The following DCUN1D3 variants were observed in gnomAD, a reference collection of about 807,000 sequenced individuals.
The protein encoded by DCUN1D3 is DCN1-like protein 3.
A neutral mutation model predicts 24.8 loss-of-function variants in DCUN1D3; 6 were observed. The ratio of observed to expected loss-of-function variants is 0.24; its 90% CI spans 0.13 to 0.48. The LOEUF (loss-of-function observed/expected upper bound fraction) is 0.48, where lower values mean the gene tolerates loss of function less well. Among genes scored for constraint, DCUN1D3 ranks in the 20% least tolerant of loss-of-function variants. DCUN1D3 has a pLI of 0.99. For missense variants in DCUN1D3, 258 were observed against 379.4 expected, an observed-to-expected ratio of 0.68 and a Z score of 2.66; for synonymous variants, 120 against 144.9, an observed-to-expected ratio of 0.83 and a Z score of 1.24.
At chr16:20,863,818 C>T (rs995782765) in intron 1 of DCUN1D3, among the ~76,000 whole-genome samples, 1 of 152,132 alleles carries the variant, frequency 6.6e-6, no homozygotes, top group Admixed American at 6.6e-5. Context: ...AATAAGGCCA[C>T]ACATCTACAA....
At chr16:20,883,929 T>C (rs2081856948) in intron 1 of DCUN1D3, among the ~76,000 whole-genome samples, 1 of 152,162 alleles carries the variant, frequency 6.6e-6, no homozygotes, top group African/African-American at 2.4e-5. Context: ...ATTTTTATTT[T>C]TTTACTTGAA....
At chr16:20,869,352 C>G (rs1003882342) in intron 1 of DCUN1D3, among the ~76,000 whole-genome samples, 1 of 152,140 alleles carries the variant, frequency 6.6e-6, no homozygotes, top group Non-Finnish European at 1.5e-5. Context: ...ACTACTATTA[C>G]GGAAAGAAAG....
intron 1 of DCUN1D3, among the ~76,000 whole-genome samples, chr16:20,890,905 T>G (rs1407761975): frequency 1.3e-5 from 2 of 150,354 alleles, no homozygotes. Flanking sequence ...TCACAGCACC[T>G]GGTCAAAATT....
intron 1 of DCUN1D3, among the ~76,000 whole-genome samples, chr16:20,875,470 G>A (rs1029412632): frequency 5.9e-5 from 9 of 152,296 alleles, no homozygotes; most frequent in African/African-American, 1.4e-4. Context: ...GGTTTGTACA[G>A]CCCAGCTCTA....
chr16:20,888,212 A>C (rs78963724), intron 1 of DCUN1D3, among the ~76,000 whole-genome samples: 3,635 of 152,308 alleles, frequency 0.024, 144 homozygotes, highest in African/African-American at 0.083. Flanking sequence ...CCATGTAGCC[A>C]ATAATAGCTA....
intron 1 of DCUN1D3, among the ~76,000 whole-genome samples, chr16:20,866,972 G>C (rs1164950906): frequency 6.6e-6 from 1 of 152,208 alleles, no homozygotes; most frequent in Non-Finnish European, 1.5e-5. Context: ...AGCACTTCAA[G>C]TGTTTTAAAG....
intron 1 of DCUN1D3, among the ~76,000 whole-genome samples, chr16:20,871,721 C>T (rs900513298): frequency 6.6e-6 from 1 of 152,108 alleles, no homozygotes; most frequent in African/African-American, 2.4e-5. Flanking sequence ...ATGTTTAATC[C>T]CACATAACTC....
chr16:20,876,444 A>G (rs1195463697), intron 1 of DCUN1D3, among the ~76,000 whole-genome samples: 1 of 152,200 alleles, frequency 6.6e-6, no homozygotes, highest in East Asian at 1.9e-4. Context: ...AAAAAAAAAA[A>G]AAACAGAATA....
At chr16:20,861,014 C>A (rs1351062187) in intron 2 of DCUN1D3, among the ~76,000 whole-genome samples, 7 of 152,116 alleles carry the variant, frequency 4.6e-5, no homozygotes, top group Admixed American at 3.3e-4. Flanking sequence ...TGGAGGGTAA[C>A]CTTCCTGGGG....
intron 1 of DCUN1D3, among the ~76,000 whole-genome samples, chr16:20,865,721 G>GT (rs1207830584): frequency 6.6e-6 from 1 of 152,180 alleles, no homozygotes; most frequent in Non-Finnish European, 1.5e-5. Context: ...GACAGAAGGT[G>GT]TTTTTTATGA....
intron 1 of DCUN1D3, among the ~76,000 whole-genome samples, chr16:20,886,485 C>G (rs527312028): frequency 5.1e-4 from 78 of 152,292 alleles, no homozygotes; most frequent in African/African-American, 1.8e-3. Flanking sequence ...CTCCAAGAGA[C>G]CAGACTAAAA....
rs1343582358 is a variant in DCUN1D3, at chr16:20,859,215, G to A, written c.*671C>T. 1 of 152,602 alleles carries A rather than the reference G, an allele frequency of 6.6e-6. No homozygotes were observed. Among genetic ancestry groups the A allele is most frequent in the East Asian group, 1.9e-4 (1 of 5,198 alleles). 9.5% of individuals were successfully genotyped at this position (152,602 alleles called of 1,614,324 possible). On this transcript the variant is annotated 3_prime_UTR_variant, in exon 3 of 3. Coordinates refer to ENST00000324344, the MANE Select transcript of DCUN1D3 (RefSeq NM_173475.4). ...AAGAAGGAATGAGCAAGAAGTGAGGGAAATCAGGGTTCTGGATAAATTAGC... is the reference window on the plus strand; with the variant it reads ...AAGAAGGAATGAGCAAGAAGTGAGGAAAATCAGGGTTCTGGATAAATTAGC...
intron 1 of DCUN1D3, among the ~76,000 whole-genome samples, chr16:20,893,819 C>A (rs1596641796): frequency 6.6e-6 from 1 of 152,190 alleles, no homozygotes; most frequent in African/African-American, 2.4e-5. Context: ...AGTAGTAATG[C>A]TATGACTTGA....
intron 1 of DCUN1D3, among the ~76,000 whole-genome samples, chr16:20,868,319 T>C (rs1246465371): frequency 6.6e-6 from 1 of 152,184 alleles, no homozygotes; most frequent in Non-Finnish European, 1.5e-5. Context: ...GTGAAGCAAT[T>C]ACCCCCATTT....
At chr16:20,882,468 T>G (rs892340051) in intron 1 of DCUN1D3, among the ~76,000 whole-genome samples, 1 of 151,960 alleles carries the variant, frequency 6.6e-6, no homozygotes, top group African/African-American at 2.4e-5. Flanking sequence ...TATCTCCATG[T>G]TGGTCAGACT....
chr16:20,878,117 A>G (rs1427440567), intron 1 of DCUN1D3, among the ~76,000 whole-genome samples: 1 of 152,028 alleles, frequency 6.6e-6, no homozygotes, highest in Non-Finnish European at 1.5e-5. Flanking sequence ...CTTAAGGTCT[A>G]TTTTTTCTTG....
intron 1 of DCUN1D3, among the ~76,000 whole-genome samples, chr16:20,888,203 CA>C (rs2081875787): frequency 1.3e-5 from 2 of 152,182 alleles, no homozygotes; most frequent in African/African-American, 4.8e-5. Flanking sequence ...CAATGGATGC[CA>C]TGTAGCCAAT....
chr16:20,864,798 C>T (rs185272589), intron 1 of DCUN1D3, among the ~76,000 whole-genome samples: 7 of 147,604 alleles, frequency 4.7e-5, no homozygotes, highest in Admixed American at 2.0e-4. Context: ...CACCACGGAA[C>T]GCTATGCAGC....
chr16:20,883,287 C>T (rs932302287), intron 1 of DCUN1D3, among the ~76,000 whole-genome samples: 7 of 152,046 alleles, frequency 4.6e-5, no homozygotes, highest in South Asian at 2.1e-4. Flanking sequence ...CCGAGGCGGA[C>T]GGATCACGAG....
Sources: allele counts gnomAD v4.1 joint callset (sites outside exome capture counted in the v4.1 genomes callset), GRCh38; gene constraint gnomAD v4.1.1; transcripts MANE v1.5; gene names NCBI Gene and HGNC (gene_info 2026-07-23, HGNC 2026-07-21).